FRMD4B: variants seen among roughly 807,000 people sequenced by gnomAD.
FRMD4B encodes the protein FERM domain-containing protein 4B.
Under a neutral mutation model 141.5 loss-of-function variants are expected in FRMD4B, and 74 were observed. The observed-to-expected ratio is 0.52, with a 90% CI of 0.43 to 0.63. The LOEUF is 0.63. FRMD4B is among the 30% of genes least tolerant of loss of function. FRMD4B has a pLI of 0.00. For missense variants in FRMD4B, 1,366 were observed against 1,253.4 expected, an observed-to-expected ratio of 1.09 and a Z score of -1.36; for synonymous variants, 506 against 467.9, an observed-to-expected ratio of 1.08 and a Z score of -1.05.
intron 1 of FRMD4B, among the ~76,000 whole-genome samples, chr3:69,506,720 G>A (rs1706602919): frequency 6.6e-6 from 1 of 151,620 alleles, no homozygotes; most frequent in Non-Finnish European, 1.5e-5. Context: ...TTTTGGGGGG[G>A]GTGGGTAGAG....
At chr3:69,377,066 T>C (rs1703990718) in intron 1 of FRMD4B, 2 of 152,196 alleles carry the variant, frequency 1.3e-5, no homozygotes, top group African/African-American at 4.8e-5. Context: ...CTGGGACTAA[T>C]TTTGTTGAGT....
intron 1 of FRMD4B, among the ~76,000 whole-genome samples, chr3:69,529,001 A>G (rs1407192587): frequency 6.6e-6 from 1 of 152,130 alleles, no homozygotes; most frequent in Non-Finnish European, 1.5e-5. Context: ...CCAGCCCACC[A>G]CTTCCACAGT....
chr3:69,174,431 A>C (rs1330080287), intron 22 of FRMD4B, among the ~76,000 whole-genome samples: 1 of 152,230 alleles, frequency 6.6e-6, no homozygotes, highest in Non-Finnish European at 1.5e-5. Context: ...AAGTGGACAG[A>C]GAAAAATGGG....
intron 2 of FRMD4B, among the ~76,000 whole-genome samples, chr3:69,409,265 C>CTTCT (rs531477850): frequency 3.0e-4 from 45 of 152,314 alleles, no homozygotes; most frequent in African/African-American, 8.4e-4. Flanking sequence ...GATGCCTGAA[C>CTTCT]TTCTCTCTTT....
chr3:69,244,751 G>A (rs756210898), intron 7 of FRMD4B, among the ~76,000 whole-genome samples: 9 of 152,030 alleles, frequency 5.9e-5, no homozygotes, highest in Middle Eastern at 3.4e-3. Flanking sequence ...AAAATTAGCC[G>A]GGCATGGTTG....
At chr3:69,317,050 A>G (rs1701825413) in intron 1 of FRMD4B, among the ~76,000 whole-genome samples, 1 of 151,932 alleles carries the variant, frequency 6.6e-6, no homozygotes, top group Non-Finnish European at 1.5e-5. Context: ...ACTGCACTCC[A>G]GCCTGGGCAA....
intron 1 of FRMD4B, among the ~76,000 whole-genome samples, chr3:69,510,150 G>A (rs1706666575): frequency 1.3e-5 from 2 of 151,874 alleles, no homozygotes; most frequent in African/African-American, 4.8e-5. Flanking sequence ...TTTAAGACAG[G>A]GTTCTGGGAT....
intron 1 of FRMD4B, among the ~76,000 whole-genome samples, chr3:69,514,948 T>C (rs917837052): frequency 3.9e-5 from 6 of 152,142 alleles, no homozygotes; most frequent in African/African-American, 1.4e-4. Context: ...GACTCATACT[T>C]CCTGATTTAA....
At chr3:69,453,427 C>T (rs17005908) in intron 1 of FRMD4B, among the ~76,000 whole-genome samples, 3,838 of 152,230 alleles carry the variant, frequency 0.025, 126 homozygotes, top group East Asian at 0.08. Context: ...TGCATAGCGC[C>T]GGGCACCTGG....
chr3:69,518,118 G>A (rs563674798), intron 1 of FRMD4B, among the ~76,000 whole-genome samples: 2 of 152,072 alleles, frequency 1.3e-5, no homozygotes, highest in African/African-American at 2.4e-5. Context: ...CTAGCAAATA[G>A]GAGACTTTTG....
At chr3:69,500,693 AC>A (rs1167912529) in intron 1 of FRMD4B, among the ~76,000 whole-genome samples, 2 of 129,418 alleles carry the variant, frequency 1.5e-5, no homozygotes, top group African/African-American at 5.7e-5. Flanking sequence ...AGGCCCCCCC[AC>A]CCCCCAAGCC....
At chr3:69,287,473 T>C (rs1190636637) in intron 5 of FRMD4B, among the ~76,000 whole-genome samples, 1 of 152,226 alleles carries the variant, frequency 6.6e-6, no homozygotes, top group Non-Finnish European at 1.5e-5. Flanking sequence ...TCTTTCTGTC[T>C]TTCTGGGTCA....
At position 69,461,623 on chromosome 3, in the gene FRMD4B, C is replaced by CAAAAA. The variant is rs58143332; in HGVS notation, c.-128-28867_-128-28863dup. Among the ~76,000 whole-genome samples the CAAAAA allele has an allele frequency of 6.5e-3, 282 of 43,378 alleles. 27 individuals carry two copies. The highest frequency in any genetic ancestry group is 0.026 in the East Asian group (29 of 1,106). 28.5% of individuals were successfully genotyped at this position (43,378 alleles called of 152,430 possible). ...TGGAGGACAAAGTGAGACTCTGTCT[C>CAAAAA]AAAAAAAAAAAAAAAAAAAAAAAAA... On this transcript the variant is annotated intron_variant, in intron 1 of 5. Coordinates refer to the FRMD4B transcript ENST00000459638.
chr3:69,436,487 A>G (rs900309984), intron 1 of FRMD4B, among the ~76,000 whole-genome samples: 2 of 152,216 alleles, frequency 1.3e-5, no homozygotes, highest in South Asian at 2.1e-4. Flanking sequence ...TAGTGCATTG[A>G]TGATGGGATT....
chr3:69,481,115 C>A (rs1706116082), intron 1 of FRMD4B, among the ~76,000 whole-genome samples: 1 of 152,166 alleles, frequency 6.6e-6, no homozygotes, highest in Admixed American at 6.5e-5. Context: ...CTGTCTGTCA[C>A]CCCTTTCTTT....
rs190699509 is a variant in FRMD4B at position 69,275,426 on chromosome 3, T to G, written c.501+12326A>C. Among the ~76,000 whole-genome samples, 6 of 140,494 alleles carry G rather than the reference T, an allele frequency of 4.3e-5. No individual in the cohort carries two copies. The East Asian group carries it at 1.2e-3, about 29-fold the overall frequency. The allele number at this position is 140,494 out of a possible 152,430, so 92.2% of individuals were successfully genotyped here. Reference sequence around the variant, plus strand: ...AAAAGTGATCAGCAAAATGTTTTTATTCTCTCTCTCTCTCTCTTTTTTTTT... The same window carrying G: ...AAAAGTGATCAGCAAAATGTTTTTAGTCTCTCTCTCTCTCTCTTTTTTTTT... On this transcript the variant is annotated intron_variant, in intron 5 of 22. Transcript: ENST00000398540.
chr3:69,453,874 T>G lies in FRMD4B; in HGVS notation c.-128-21113A>C, dbSNP rs1367434980. 2.0e-5 allele frequency among the ~76,000 whole-genome samples: 3 copies of G among 151,890 alleles called. No individual in the cohort carries two copies. The South Asian group carries it at 6.2e-4, about 32-fold the overall frequency. On this transcript the variant is annotated intron_variant, in intron 1 of 5. Coordinates refer to the FRMD4B transcript ENST00000459638. ...ATGGATAAAGGATGAGTGAGAAAAA[T>G]GGATGTGAAAGGAGGGAGGCAGAAG...
chr3:69,219,804 G>C (rs1010508296), intron 9 of FRMD4B, among the ~76,000 whole-genome samples: 1 of 152,122 alleles, frequency 6.6e-6, no homozygotes, highest in South Asian at 2.1e-4. Flanking sequence ...GCCAGTAAGT[G>C]TTGTTCTCCT....
chr3:69,371,608 G>T (rs775292106), intron 1 of FRMD4B, among the ~76,000 whole-genome samples: 1 of 152,206 alleles, frequency 6.6e-6, no homozygotes, highest in Non-Finnish European at 1.5e-5. Context: ...GCTAAGAAAT[G>T]AGGGTGGCTT....
Sources: gnomAD v4.1 joint callset for allele counts (sites outside exome capture counted in the v4.1 genomes callset) on GRCh38, gnomAD v4.1.1 for gene constraint, MANE v1.5 for transcripts, NCBI Gene and HGNC (gene_info 2026-07-23, HGNC 2026-07-21) for gene names.